ANO4: variants seen among roughly 807,000 people sequenced by gnomAD.
ANO4 encodes anoctamin 4.
In ANO4, 69 loss-of-function variants were observed where a neutral mutation model predicts 141.9. The observed-to-expected ratio is 0.49, with a 90% CI of 0.40 to 0.59. The LOEUF (loss-of-function observed/expected upper bound fraction) is 0.59. Among genes scored for constraint, ANO4 ranks in the 20% least tolerant of loss-of-function variants. The pLI, the probability that ANO4 is intolerant of heterozygous loss-of-function variation, is 0.00. For missense variants in ANO4, 894 were observed against 1,162.2 expected (o/e 0.77, Z 3.36); for synonymous variants, 350 against 394.3 (o/e 0.89, Z 1.33).
intron 1 of ANO4, among the ~76,000 whole-genome samples, chr12:100,835,583 A>C (rs142993283): frequency 6.6e-6 from 1 of 152,336 alleles, no homozygotes; most frequent in Non-Finnish European, 1.5e-5. Context: ...GATCTGCAAC[A>C]TCAAGGTAGT....
At chr12:100,915,374 CA>C in intron 2 of ANO4, among the ~76,000 whole-genome samples, 1 of 152,044 alleles carries the variant, frequency 6.6e-6, no homozygotes, top group Non-Finnish European at 1.5e-5. Context: ...CAGGAACTAC[CA>C]AATAAAAATA....
chr12:101,080,311 G>T (rs1440660116), intron 15 of ANO4, among the ~76,000 whole-genome samples: 2 of 152,056 alleles, frequency 1.3e-5, no homozygotes, highest in Non-Finnish European at 2.9e-5. Context: ...CTCCTCAATG[G>T]CTGCCTGTTC....
At chr12:101,084,120 G>A (rs2136888080) in intron 16 of ANO4, among the ~76,000 whole-genome samples, 1 of 152,266 alleles carries the variant, frequency 6.6e-6, no homozygotes, top group Admixed American at 6.5e-5. Context: ...ATGCTGAAAG[G>A]AGTCAAAAAT....
chr12:101,103,605 C>A (rs1266893843), intron 22 of ANO4, among the ~76,000 whole-genome samples: 1 of 151,616 alleles, frequency 6.6e-6, no homozygotes, highest in East Asian at 1.9e-4. Flanking sequence ...ACTTGGGTCA[C>A]CATGCATTTT....
chr12:101,075,934 C>T lies in ANO4; in HGVS notation c.1313-3259C>T, dbSNP rs565476002. ...TTTGCCTTGAAAAGAGACAACCTGT[C>T]TTGGTTTGACTACGTTTCATAGGTA... On this transcript the variant is annotated intron_variant, in intron 14 of 27. Coordinates refer to ENST00000392977, the MANE Select transcript of ANO4 (RefSeq NM_001286615.2). Among the ~76,000 whole-genome samples, 9 of 152,044 alleles carry T rather than the reference C, an allele frequency of 5.9e-5. No individual in the cohort carries two copies. The East Asian group carries it at 1.7e-3, about 29-fold the overall frequency.
chr12:101,003,130 T>A (rs1285102284), intron 8 of ANO4, among the ~76,000 whole-genome samples: 1 of 152,244 alleles, frequency 6.6e-6, no homozygotes, highest in African/African-American at 2.4e-5. Context: ...ATTGTTAGGT[T>A]AGAGACTGTG....
intron 1 of ANO4, among the ~76,000 whole-genome samples, chr12:100,884,726 G>A (rs188210363): frequency 3.3e-5 from 5 of 152,040 alleles, no homozygotes; most frequent in African/African-American, 9.7e-5. Context: ...ATGGAATCTC[G>A]CTCTATCACC....
At chr12:100,912,502 C>T (rs766195174) in intron 2 of ANO4, among the ~76,000 whole-genome samples, 2 of 151,096 alleles carry the variant, frequency 1.3e-5, no homozygotes, top group Non-Finnish European at 2.9e-5. Flanking sequence ...CCACTGCACT[C>T]CAGCCTGGGT....
At chr12:100,840,123 A>AAATAAT (rs3058372) in intron 1 of ANO4, among the ~76,000 whole-genome samples, 40 of 149,802 alleles carry the variant, frequency 2.7e-4, no homozygotes, top group East Asian at 4.0e-4. Flanking sequence ...CTTAAACCAA[A>AAATAAT]AATAATAATA....
chr12:100,752,276 A>G (rs2135501201), intron 3 of ANO4, among the ~76,000 whole-genome samples: 1 of 152,220 alleles, frequency 6.6e-6, no homozygotes, highest in East Asian at 1.9e-4. Context: ...ATGGCTTTCA[A>G]CATTTTTGAA....
At chr12:101,056,563 A>G (rs2048126933) in intron 14 of ANO4, among the ~76,000 whole-genome samples, 1 of 152,036 alleles carries the variant, frequency 6.6e-6, no homozygotes, top group Non-Finnish European at 1.5e-5. Flanking sequence ...TTTCTTTCTA[A>G]TCTATATGAG....
At chr12:101,072,323 G>A (rs959367862) in intron 14 of ANO4, among the ~76,000 whole-genome samples, 2 of 152,042 alleles carry the variant, frequency 1.3e-5, no homozygotes, top group African/African-American at 4.8e-5. Context: ...CTTTCTATTA[G>A]CCTAAACTTG....
At chr12:100,906,904 G>A (rs1361974098) in intron 2 of ANO4, among the ~76,000 whole-genome samples, 9 of 152,254 alleles carry the variant, frequency 5.9e-5, no homozygotes, top group Middle Eastern at 3.4e-3. Flanking sequence ...GAGCCACAGG[G>A]AAGCATGACC....
At chr12:100,926,892 A>C (rs2041898238) in intron 3 of ANO4, among the ~76,000 whole-genome samples, 1 of 152,070 alleles carries the variant, frequency 6.6e-6, no homozygotes, top group African/African-American at 2.4e-5. Flanking sequence ...GCTATGTTGC[A>C]TGCCTGGGAG....
chr12:100,998,822 G>A lies in ANO4; in HGVS notation c.734+11152G>A, dbSNP rs181860665. Among the ~76,000 whole-genome samples the A allele has an allele frequency of 2.0e-5, 3 of 152,238 alleles. No individual in the cohort carries two copies. The East Asian group carries it at 5.8e-4, about 29-fold the overall frequency. ...CTCTCAAAACTCAATTTCAGAAAAG[G>A]TCATTTCAATAGAACCATATGAAAT... On this transcript the variant is annotated intron_variant, in intron 8 of 27. Transcript: ENST00000392977.
At chr12:100,929,744 T>G (rs1439440875) in intron 3 of ANO4, among the ~76,000 whole-genome samples, 1 of 152,158 alleles carries the variant, frequency 6.6e-6, no homozygotes, top group East Asian at 1.9e-4. Context: ...TGTATGAGGG[T>G]TCCCTCTTCT....
intron 1 of ANO4, among the ~76,000 whole-genome samples, chr12:100,820,141 T>A (rs1231848506): frequency 2.2e-5 from 1 of 46,436 alleles, no homozygotes; most frequent in Non-Finnish European, 3.9e-5. Context: ...CGTGGTTGTG[T>A]GGCTCTTTTC....
intron 2 of ANO4, among the ~76,000 whole-genome samples, chr12:100,918,245 T>C (rs115284872): frequency 0.026 from 3,959 of 152,286 alleles, 187 homozygotes; most frequent in African/African-American, 0.09. Flanking sequence ...GAGAATTGCT[T>C]GAGCCTAGGA....
At chr12:100,751,822 G>A (rs1466179897) in intron 3 of ANO4, among the ~76,000 whole-genome samples, 2 of 152,140 alleles carry the variant, frequency 1.3e-5, no homozygotes, top group East Asian at 3.9e-4. Flanking sequence ...ACACTATTAG[G>A]GGGTGTATAA....
Sources: gnomAD v4.1 joint callset for allele counts (sites outside exome capture counted in the v4.1 genomes callset) on GRCh38, gnomAD v4.1.1 for gene constraint, MANE v1.5 for transcripts, NCBI Gene and HGNC (gene_info 2026-07-23, HGNC 2026-07-21) for gene names.